NDRG4: variants seen among roughly 807,000 people sequenced by gnomAD.
The protein encoded by NDRG4 is protein NDRG4.
Under a neutral mutation model 55.8 loss-of-function variants are expected in NDRG4, and 38 were observed. That is an observed-to-expected ratio of 0.68 (90% CI 0.53 to 0.89). The LOEUF (loss-of-function observed/expected upper bound fraction) is 0.89. NDRG4 is among the 40% of genes least tolerant of loss of function. The pLI is 0.00. For missense variants in NDRG4, 455 were observed against 468.6 expected, an observed-to-expected ratio of 0.97 and a Z score of 0.27; for synonymous variants, 190 against 182.7, an observed-to-expected ratio of 1.04 and a Z score of -0.32.
intron 1 of NDRG4, chr16:58,487,686 G>A (rs2035263524): frequency 5.4e-6 from 7 of 1,291,864 alleles, no homozygotes; most frequent in East Asian, 5.3e-5. Context: ...CCCCAGCCCC[G>A]ACTTGCGCTG....
At chr16:58,506,133 C>CGTGTGTGTGTGTGTGTGTGGGTGT in intron 5 of NDRG4, 1 of 539,520 alleles carries the variant, frequency 1.9e-6, no homozygotes. Flanking sequence ...GTTGAAAGAG[C>CGTGTGTGTGTGTGTGTGTGGGTGT]GTGTGTGTGT....
In NDRG4 at chr16:58,512,984, A is replaced by G. The variant is rs2038955456; in HGVS notation, c.*1408A>G. 6.6e-6 allele frequency: 1 copy of G among 152,612 alleles called. No individual in the cohort carries two copies. The highest frequency in any genetic ancestry group is 6.5e-5 in the Admixed American group (1 of 15,282). The allele number at this position is 152,612 out of a possible 1,614,324, so 9.5% of individuals were successfully genotyped here. A position where few individuals can be genotyped will look rare whatever the true frequency, so the allele number is the denominator to read the frequency against. ...CACCCCCCTTCTATAATCTTAAGCC[A>G]TGACTAGCCTGGTGGCGTGTTAGTT... On this transcript the variant is annotated 3_prime_UTR_variant, in exon 15 of 15. Transcript: ENST00000570248.
intron 7 of NDRG4, 60 bp from the exon 8 acceptor site, chr16:58,506,852 C>A: frequency 6.6e-7 from 1 of 1,503,818 alleles, no homozygotes. Context: ...CCAGCCCCCT[C>A]TAAGCCTGCG....
chr16:58,481,182 C>G (rs1245003349), intron 1 of NDRG4, among the ~76,000 whole-genome samples: 1 of 152,048 alleles, frequency 6.6e-6, no homozygotes, highest in Admixed American at 6.6e-5. Flanking sequence ...AATAATAGTA[C>G]CTACCTCCAT....
At chr16:58,483,620 G>A (rs545740475) in intron 1 of NDRG4, among the ~76,000 whole-genome samples, 25 of 152,234 alleles carry the variant, frequency 1.6e-4, no homozygotes, top group Admixed American at 1.2e-3. Context: ...GCCCCTCTGC[G>A]TGCAGCTATG....
rs72622278 is a variant in NDRG4 at position 58,477,465 on chromosome 16, C to T, written c.-23-10291C>T. 4.8e-3 allele frequency among the ~76,000 whole-genome samples: 725 copies of T among 152,010 alleles called. 35 individuals carry two copies. The East Asian group carries it at 0.12, about 25-fold the overall frequency. ...GCACAAAAGAGCCACCTTAAGGGAA[C>T]TCCCAATGGCCAAGCCTGGCCCAGT... On this transcript the variant is annotated intron_variant, in intron 1 of 15. Transcript: ENST00000258187.
At chr16:58,477,092 C>A (rs2033753108) in intron 1 of NDRG4, among the ~76,000 whole-genome samples, 2 of 150,698 alleles carry the variant, frequency 1.3e-5, no homozygotes, top group South Asian at 4.2e-4. Flanking sequence ...TTAAAGGGAT[C>A]AGTATAAATT....
intron 5 of NDRG4, chr16:58,506,172 G>GTGTGTGTGTGTGTGTGTGTGTGT: frequency 1.5e-6 from 1 of 685,498 alleles, no homozygotes; most frequent in Non-Finnish European, 2.7e-6. Context: ...GTGTGTGTAG[G>GTGTGTGTGTGTGTGTGTGTGTGT]GGTGGAAACA....
intron 14 of NDRG4, 145 bp from the exon 15 acceptor site, chr16:58,511,277 C>A: frequency 1.1e-6 from 1 of 922,830 alleles, no homozygotes; most frequent in Non-Finnish European, 1.6e-6. Flanking sequence ...AGCCCGACAG[C>A]TGTCGCCAGC....
chr16:58,501,952 C>T (rs1023939750), intron 1 of NDRG4: 1 of 455,590 alleles, frequency 2.2e-6, no homozygotes, highest in South Asian at 1.5e-5. Flanking sequence ...CAGCAGGAGG[C>T]GCATTGCAGT....
chr16:58,509,209 T>C lies in NDRG4; in HGVS notation c.813+20T>C. 2 of 1,614,020 alleles carry C rather than the reference T, an allele frequency of 1.2e-6. No homozygotes were observed. The highest frequency in any genetic ancestry group is 1.7e-6 in the Non-Finnish European group (2 of 1,179,994). ...ACACAGGTGAGACTTTTGGCCCTCC[T>C]GCCCTTACATCTATGGGGAGGGGGA... On this transcript the variant is annotated intron_variant, in intron 12 of 14. Coordinates refer to ENST00000570248, the MANE Select transcript of NDRG4 (RefSeq NM_001242835.2).
Position 58,464,942 on chromosome 16 carries a change from A to C in NDRG4, c.-24+1145A>C. 3.4e-6 allele frequency: 4 copies of C among 1,178,354 alleles called. No individual in the cohort carries two copies. The highest frequency in any genetic ancestry group is 4.3e-6 in the Non-Finnish European group (4 of 936,130). The allele number at this position is 1,178,354 out of a possible 1,614,324, so 73.0% of individuals were successfully genotyped here. A position where few individuals can be genotyped will look rare whatever the true frequency, so the allele number is the denominator to read the frequency against. On this transcript the variant is annotated intron_variant, in intron 1 of 15. Coordinates refer to the NDRG4 transcript ENST00000258187. This position sits in a 1 kb window ranked among gnomAD's most constrained non-coding sequence, Gnocchi z 4.8. Reference sequence around the variant, plus strand: ...CAAGTGGCCTGGGAAGTGGGAAGCCAGATTGGACCCTACTGACTGGGGACC... The same window carrying C: ...CAAGTGGCCTGGGAAGTGGGAAGCCCGATTGGACCCTACTGACTGGGGACC...
intron 1 of NDRG4, 102 bp from the exon 2 acceptor site, chr16:58,503,695 CT>C: frequency 1.3e-6 from 2 of 1,560,948 alleles, no homozygotes; most frequent in Non-Finnish European, 1.7e-6. Context: ...CAAGTAGGGG[CT>C]CTACCACAGG....
chr16:58,464,140 C>T lies in NDRG4; in HGVS notation c.-24+343C>T. On this transcript the variant is annotated intron_variant, in intron 1 of 15. Transcript: ENST00000258187. This position sits in a 1 kb window ranked among gnomAD's most constrained non-coding sequence, Gnocchi z 4.8. ...GGGACCACCTCCCACGGTGTCACCG[C>T]ACCCACCCCGCGCCCTTCCTCCGCC... is the stretch of plus-strand genomic sequence containing the variant. 2 of 350,946 alleles carry T rather than the reference C, an allele frequency of 5.7e-6. No homozygotes were observed. The highest frequency in any genetic ancestry group is 1.0e-5 in the Non-Finnish European group (2 of 196,262). 21.7% of individuals were successfully genotyped at this position (350,946 alleles called of 1,614,324 possible). A position where few individuals can be genotyped will look rare whatever the true frequency, so the allele number is the denominator to read the frequency against.
rs1367421164 is a variant in NDRG4, at chr16:58,508,966, A to G, written c.734A>G (p.Glu245Gly). The change falls in exon 11 of 15, where the codon GAG becomes GGG. Residue 245 changes from glutamate (E) to glycine (G), a missense_variant. Physicochemically the swap from Glu to Gly is moderately conservative, Grantham distance 98. Coordinates refer to ENST00000570248, the MANE Select transcript of NDRG4 (RefSeq NM_001242835.2). The stretch of plus-strand genomic sequence containing the variant: ...AAGCTGGCTCCTTGTCCTCAGGTGG[A>G]GTGCAACTCCAAACTGGACCCGACC... The part of the protein sequence containing the change: ...DNAPAEDGVV[E>G]CNSKLDPTTT... 1 of 1,613,862 alleles carries G rather than the reference A, an allele frequency of 6.2e-7. No individual in the cohort carries two copies. The highest frequency in any genetic ancestry group is 1.7e-5 in the Admixed American group (1 of 59,992).
At chr16:58,477,464 A>G (rs1451230048) in intron 1 of NDRG4, among the ~76,000 whole-genome samples, 1 of 152,012 alleles carries the variant, frequency 6.6e-6, no homozygotes, top group Non-Finnish European at 1.5e-5. Context: ...CCTTAAGGGA[A>G]CTCCCAATGG....
Position 58,511,659 on chromosome 16 carries a change from T to C in NDRG4, c.*83T>C. ...GCTCATGTTCCCTTTAGTTTATTTT[T>C]GTGAGGGCAAAGGGGAGGAAATGGG... is the stretch of plus-strand genomic sequence containing the variant. On this transcript the variant is annotated 3_prime_UTR_variant, in exon 15 of 15. Coordinates refer to ENST00000570248, the MANE Select transcript of NDRG4 (RefSeq NM_001242835.2). 1 of 1,556,668 alleles carries C rather than the reference T, an allele frequency of 6.4e-7. No homozygotes were observed. Among genetic ancestry groups the C allele is most frequent in the Non-Finnish European group, 8.9e-7 (1 of 1,129,528 alleles).
intron 2 of NDRG4, among the ~76,000 whole-genome samples, chr16:58,489,742 T>C (rs959931008): frequency 6.6e-6 from 1 of 152,140 alleles, no homozygotes; most frequent in Admixed American, 6.5e-5. Flanking sequence ...CAGATGGTGA[T>C]ACAGCTCAGA....
intron 1 of NDRG4, among the ~76,000 whole-genome samples, chr16:58,482,756 C>CTTTCCTTCCTTCCTTT (rs1455781627): frequency 7.8e-6 from 1 of 128,102 alleles, no homozygotes; most frequent in Non-Finnish European, 1.6e-5. Context: ...TCCCTTCCTT[C>CTTTCCTTCCTTCCTTT]TTTCCTTCCT....
Sources: allele counts gnomAD v4.1 joint callset (sites outside exome capture counted in the v4.1 genomes callset), GRCh38; gene constraint gnomAD v4.1.1; non-coding constraint Gnocchi (gnomAD v3.1); transcripts MANE v1.5; gene names NCBI Gene and HGNC (gene_info 2026-07-23, HGNC 2026-07-21).